GHR: variants seen among roughly 807,000 people sequenced by gnomAD.
The protein encoded by GHR is GH receptor.
Under a neutral mutation model 67.1 loss-of-function variants are expected in GHR, and 35 were observed. That is an observed-to-expected ratio of 0.52 (90% CI 0.40 to 0.69). The LOEUF is 0.69. Among genes scored for constraint, GHR ranks in the 30% least tolerant of loss-of-function variants. GHR has a pLI of 0.00. For synonymous variants in GHR, 272 were observed against 269.1 expected (o/e 1.01, Z -0.10); for missense variants, 792 against 764.6 (o/e 1.04, Z -0.42).
intron 1 of GHR, among the ~76,000 whole-genome samples, chr5:42,538,596 C>T (rs573502281): frequency 9.9e-5 from 15 of 152,280 alleles, no homozygotes; most frequent in African/African-American, 3.6e-4. Flanking sequence ...TTTTGCCTCA[C>T]AGCTCTTAGA....
intron 1 of GHR, among the ~76,000 whole-genome samples, chr5:42,542,606 T>C (rs1423916272): frequency 6.6e-6 from 1 of 152,108 alleles, no homozygotes; most frequent in African/African-American, 2.4e-5. Flanking sequence ...AATAGCTCCT[T>C]TAGGTATTTT....
chr5:42,424,987 G>T lies in GHR; in HGVS notation c.-12+1032G>T. On this transcript the variant is annotated intron_variant, in intron 1 of 9. Coordinates refer to ENST00000230882, the MANE Select transcript of GHR (RefSeq NM_000163.5). This position sits in a 1 kb window ranked among gnomAD's most constrained non-coding sequence, Gnocchi z 4.1. Reference sequence around the variant, plus strand: ...GTGCAGGGTGGAAGAGGCCACAGAGGTGCCGCCTGTCTGTTTGTGCCGCCA... The same window carrying T: ...GTGCAGGGTGGAAGAGGCCACAGAGTTGCCGCCTGTCTGTTTGTGCCGCCA... 1 of 985,172 alleles carries T rather than the reference G, an allele frequency of 1.0e-6. No homozygotes were observed. Among genetic ancestry groups the T allele is most frequent in the Non-Finnish European group, 1.2e-6 (1 of 829,672 alleles). 61.0% of individuals were successfully genotyped at this position (985,172 alleles called of 1,614,324 possible). A position where few individuals can be genotyped will look rare whatever the true frequency, so the allele number is the denominator to read the frequency against.
chr5:42,615,305 A>C (rs1408132631), intron 2 of GHR, among the ~76,000 whole-genome samples: 1 of 152,024 alleles, frequency 6.6e-6, no homozygotes, highest in African/African-American at 2.4e-5. Context: ...AATTACAGAA[A>C]CTTTCAGCAG....
chr5:42,711,194 T>G lies in GHR; in HGVS notation c.619-13T>G, dbSNP rs778491280. 9 of 1,607,804 alleles carry G rather than the reference T, an allele frequency of 5.6e-6. No homozygotes were observed. In the South Asian group the frequency reaches 9.9e-5, roughly 18 times the overall value. On this transcript the variant is annotated splice_polypyrimidine_tract_variant and intron_variant, in intron 6 of 9. Transcript: ENST00000230882. ...CTCTTTGGCCAATATGCGTTTATAT[T>G]TTGTCTTGAAAGATGGACCCTATAT...
intron 1 of GHR, among the ~76,000 whole-genome samples, chr5:42,509,078 A>G (rs990091913): frequency 2.0e-5 from 3 of 152,062 alleles, no homozygotes; most frequent in Non-Finnish European, 4.4e-5. Context: ...CTCACACCTT[A>G]TACACTTTAC....
chr5:42,690,454 A>G (rs1472593848), intron 4 of GHR, among the ~76,000 whole-genome samples: 1 of 152,246 alleles, frequency 6.6e-6, no homozygotes, highest in Non-Finnish European at 1.5e-5. Flanking sequence ...AGTACTCACT[A>G]AATGGTAGCT....
intron 1 of GHR, among the ~76,000 whole-genome samples, chr5:42,563,085 T>C (rs1471870937): frequency 2.0e-5 from 3 of 152,240 alleles, no homozygotes; most frequent in Non-Finnish European, 4.4e-5. Context: ...ATCCTTGAGA[T>C]GTCTGAAGAG....
chr5:42,612,931 A>G (rs1281507929), intron 2 of GHR, among the ~76,000 whole-genome samples: 1 of 152,012 alleles, frequency 6.6e-6, no homozygotes, highest in Non-Finnish European at 1.5e-5. Context: ...CTCTCCTCCT[A>G]TCTGCATAAA....
intron 3 of GHR, among the ~76,000 whole-genome samples, chr5:42,667,770 G>A (rs1040584022): frequency 6.6e-6 from 1 of 152,164 alleles, no homozygotes; most frequent in Non-Finnish European, 1.5e-5. Context: ...ATAAACCCAT[G>A]TTTGTGTACA....
intron 3 of GHR, among the ~76,000 whole-genome samples, chr5:42,645,277 G>C (rs566358385): frequency 3.9e-5 from 6 of 152,140 alleles, no homozygotes; most frequent in Non-Finnish European, 7.4e-5. Flanking sequence ...TATCTGGCAC[G>C]ATGGTATTTG....
intron 4 of GHR, among the ~76,000 whole-genome samples, chr5:42,692,456 G>A (rs568840751): frequency 6.6e-6 from 1 of 152,168 alleles, no homozygotes; most frequent in South Asian, 2.1e-4. Context: ...CCCAGAGAAG[G>A]CAAGTGACAC....
At chr5:42,513,378 G>A (rs576986076) in intron 1 of GHR, among the ~76,000 whole-genome samples, 16 of 152,298 alleles carry the variant, frequency 1.1e-4, no homozygotes, top group African/African-American at 3.8e-4. Context: ...TATAGAGGCC[G>A]GTTATCTTTG....
intron 2 of GHR, among the ~76,000 whole-genome samples, chr5:42,596,593 G>A (rs1057154600): frequency 6.6e-6 from 1 of 152,168 alleles, no homozygotes; most frequent in East Asian, 1.9e-4. Flanking sequence ...GTGATTAGGG[G>A]CCAGGATACA....
chr5:42,697,593 C>G (rs1757740058), intron 5 of GHR, among the ~76,000 whole-genome samples: 1 of 152,154 alleles, frequency 6.6e-6, no homozygotes, highest in Non-Finnish European at 1.5e-5. Flanking sequence ...CATGCTTTTC[C>G]TCACTCAATG....
At chr5:42,534,182 GTATA>G (rs1240481681) in intron 1 of GHR, among the ~76,000 whole-genome samples, 1 of 89,954 alleles carries the variant, frequency 1.1e-5, no homozygotes, top group Non-Finnish European at 2.4e-5. Context: ...ATATATGTAT[GTATA>G]TATGTACATG....
intron 2 of GHR, among the ~76,000 whole-genome samples, chr5:42,605,076 G>A (rs1379752726): frequency 1.4e-5 from 2 of 142,826 alleles, no homozygotes; most frequent in African/African-American, 5.2e-5. Flanking sequence ...CTTGACCAGA[G>A]ATTTGTGGTG....
intron 3 of GHR, among the ~76,000 whole-genome samples, chr5:42,684,835 T>C (rs6451634): frequency 0.83 from 126,442 of 152,094 alleles, 52,820 homozygotes; most frequent in East Asian, 1. Context: ...AAAGACATAT[T>C]TGCAACTCAG....
rs762984355 is a variant in GHR at position 42,718,615 on chromosome 5, C to T, written c.1108C>T (p.His370Tyr). The T allele has an allele frequency of 3.7e-6, 6 of 1,613,668 alleles. No individual in the cohort carries two copies. The highest frequency in any genetic ancestry group is 2.2e-5 in the South Asian group (2 of 91,060). Residue 370 changes from histidine (H) to tyrosine (Y), a missense_variant, in exon 10 of 10, where the codon CAT becomes TAT. Coordinates refer to ENST00000230882, the MANE Select transcript of GHR (RefSeq NM_000163.5). ...SDTDRLLSSDHEKSHSNLGVK... is the reference protein window; with the variant it reads ...SDTDRLLSSDYEKSHSNLGVK... ...CACAGACAGACTTCTAAGCAGTGAC[C>T]ATGAGAAATCACATAGTAACCTAGG...
chr5:42,573,235 T>A (rs558951118), intron 2 of GHR, among the ~76,000 whole-genome samples: 1 of 152,262 alleles, frequency 6.6e-6, no homozygotes, highest in South Asian at 2.1e-4. Flanking sequence ...TCATCTCCAG[T>A]CCTGAGCAAG....
Sources: allele counts gnomAD v4.1 joint callset (sites outside exome capture counted in the v4.1 genomes callset), GRCh38; gene constraint gnomAD v4.1.1; non-coding constraint Gnocchi (gnomAD v3.1); transcripts MANE v1.5; gene names NCBI Gene and HGNC (gene_info 2026-07-23, HGNC 2026-07-21).